The following MCF2L variants were observed in gnomAD, a reference collection of about 807,000 sequenced individuals.
MCF2L encodes guanine nucleotide exchange factor DBS.
In MCF2L, 97 loss-of-function variants were observed where a neutral mutation model predicts 153.4. The observed-to-expected ratio is 0.63, with a 90% confidence interval of 0.54 to 0.75. The LOEUF (loss-of-function observed/expected upper bound fraction) is 0.75. Among genes scored for constraint, MCF2L ranks in the 30% least tolerant of loss-of-function variants. The probability of loss-of-function intolerance (pLI) is 0.00; values close to 1 mark genes in which losing one functional copy is unlikely to be tolerated. For synonymous variants in MCF2L, 659 were observed against 632.2 expected, an observed-to-expected ratio of 1.04 and a Z score of -0.64; for missense variants, 1,347 against 1,495.2, an observed-to-expected ratio of 0.90 and a Z score of 1.64.
chr13:113,064,156 T>G lies in MCF2L; in HGVS notation c.490-148T>G, dbSNP rs1189952655. The G allele has an allele frequency of 3.3e-5, 23 of 703,292 alleles. No individual in the cohort carries two copies. Among genetic ancestry groups the G allele is most frequent in the Non-Finnish European group, 6.0e-5 (23 of 385,668 alleles). The allele number at this position is 703,292 out of a possible 1,614,324, so 43.6% of individuals were successfully genotyped here. On this transcript the variant is annotated intron_variant, in intron 5 of 29. Coordinates refer to ENST00000535094, the MANE Select transcript of MCF2L (RefSeq NM_001112732.3). This position sits in a 1 kb window ranked among gnomAD's most constrained non-coding sequence, Gnocchi z 6.0. ...ATCCCATCCGCACATCCATCCGCAGTGTCCAGGTGCCCCCACCCACACAGC... is the reference window on the plus strand; with the variant it reads ...ATCCCATCCGCACATCCATCCGCAGGGTCCAGGTGCCCCCACCCACACAGC...
At chr13:112,979,777 G>T (rs6577024) in intron 1 of MCF2L, 23 of 1,602,914 alleles carry the variant, frequency 1.4e-5, no homozygotes, top group Non-Finnish European at 2.0e-5. Flanking sequence ...CAATGGGGTC[G>T]CAGGGCATGG....
At chr13:112,959,333 C>G (rs2081796543) in intron 2 of MCF2L, among the ~76,000 whole-genome samples, 1 of 152,126 alleles carries the variant, frequency 6.6e-6, no homozygotes, top group Non-Finnish European at 1.5e-5. Flanking sequence ...ATCCTGCCAT[C>G]TGGGGCTCTC....
At chr13:113,016,813 C>T (rs147996814) in intron 2 of MCF2L, among the ~76,000 whole-genome samples, 1,524 of 152,334 alleles carry the variant, frequency 0.01, 11 homozygotes, top group Middle Eastern at 0.041. Flanking sequence ...ATGCCCTCTC[C>T]CTCCTCGCCT....
intron 1 of MCF2L, among the ~76,000 whole-genome samples, chr13:113,010,592 G>A (rs551140152): frequency 6.6e-6 from 1 of 152,200 alleles, no homozygotes. Context: ...CTGGGGATGG[G>A]CAGGGGCAGG....
rs957917214 is a variant in MCF2L, at chr13:112,922,108, G to A, written c.169+19737G>A. Among the ~76,000 whole-genome samples, 11 of 152,222 alleles carry A rather than the reference G, an allele frequency of 7.2e-5. 1 individual carries two copies. Among genetic ancestry groups the A allele is most frequent in the South Asian group, 2.1e-4 (1 of 4,828 alleles). ...GCCCAGAGCTGGAAACGTGTGGGCC[G>A]GGAGCAGCCCCTGCCAGAGGGCACT... On this transcript the variant is annotated intron_variant, in intron 2 of 29. Transcript: ENST00000375608.
chr13:112,910,327 T>A (rs2081217996), intron 2 of MCF2L: 1 of 152,218 alleles, frequency 6.6e-6, no homozygotes, highest in African/African-American at 2.4e-5. Flanking sequence ...TTCTAAGAAT[T>A]TAAAAGAAGA....
chr13:112,958,774 T>C (rs1056612003), intron 2 of MCF2L, among the ~76,000 whole-genome samples: 7 of 152,228 alleles, frequency 4.6e-5, no homozygotes, highest in Non-Finnish European at 8.8e-5. Context: ...GTGTGTGGGA[T>C]ACGTGTGCCA....
chr13:112,944,599 TCTCG>T (rs1223961039), intron 2 of MCF2L, among the ~76,000 whole-genome samples: 1 of 135,682 alleles, frequency 7.4e-6, no homozygotes, highest in Non-Finnish European at 1.5e-5. Context: ...TGAGACGGAG[TCTCG>T]CTCTGTCGCC....
Position 113,027,623 on chromosome 13 carries a change from GGGCCGAGC to G in MCF2L, c.278+2874_278+2881del, listed in dbSNP as rs1037979307. Among the ~76,000 whole-genome samples the G allele has an allele frequency of 1.2e-4, 18 of 152,184 alleles. No individual in the cohort carries two copies. The highest frequency in any genetic ancestry group is 6.5e-5 in the Admixed American group (1 of 15,284). On this transcript the variant is annotated intron_variant, in intron 3 of 29. Coordinates refer to ENST00000535094, the MANE Select transcript of MCF2L (RefSeq NM_001112732.3). This position sits in a 1 kb window ranked among gnomAD's most constrained non-coding sequence, Gnocchi z 4.8. ...GTGCACGGAGGAGGGGCTGGGTCTC[GGGCCGAGC>G]GGCCGAGCTCCCTGAGGGGCTGATG...
At chr13:113,056,757 G>A (rs1382198761) in intron 4 of MCF2L, among the ~76,000 whole-genome samples, 1 of 148,368 alleles carries the variant, frequency 6.7e-6, no homozygotes, top group African/African-American at 2.5e-5. Context: ...CTGAGTGGGT[G>A]CTGTGTGTTT....
chr13:112,955,501 A>G (rs1420678718), intron 2 of MCF2L, among the ~76,000 whole-genome samples: 4 of 152,200 alleles, frequency 2.6e-5, no homozygotes, highest in African/African-American at 4.8e-5. Context: ...AATCAATTAT[A>G]TGCATTTAAT....
In MCF2L at chr13:112,925,997, G is replaced by GA. The variant is rs1015654694; in HGVS notation, c.169+23635dup. On this transcript the variant is annotated intron_variant, in intron 2 of 29. Coordinates refer to the MCF2L transcript ENST00000375608. ...GAATAGCATAATTTTTATCCCTATA[G>GA]AAAAAAAAATCTAGAGATATCAACC... Among the ~76,000 whole-genome samples the GA allele has an allele frequency of 8.9e-4, 134 of 151,260 alleles. 2 individuals carry two copies. Among genetic ancestry groups the GA allele is most frequent in the African/African-American group, 2.7e-3 (110 of 41,278 alleles).
intron 2 of MCF2L, among the ~76,000 whole-genome samples, chr13:112,926,511 G>A (rs1221007430): frequency 6.6e-6 from 1 of 152,014 alleles, no homozygotes; most frequent in Non-Finnish European, 1.5e-5. Context: ...TACATGCACA[G>A]CGGAGTACTG....
Position 113,075,197 on chromosome 13 carries a change from G to A in MCF2L, c.1308+8G>A, listed in dbSNP as rs145956805. On this transcript the variant is annotated splice_region_variant and intron_variant, in intron 11 of 29. Coordinates refer to ENST00000535094, the MANE Select transcript of MCF2L (RefSeq NM_001112732.3). ...CACCGCCGCCTGGAGACGGTAGGCC[G>A]AGCCGGACCCCACCCCACTCCCCCC... The A allele has an allele frequency of 6.6e-3, 10,392 of 1,580,604 alleles. 41 individuals carry two copies. Among genetic ancestry groups the A allele is most frequent in the African/African-American group, 0.015 (1,139 of 74,410 alleles).
intron 1 of MCF2L, among the ~76,000 whole-genome samples, chr13:112,988,342 A>C (rs1329606296): frequency 6.6e-6 from 1 of 152,124 alleles, no homozygotes; most frequent in East Asian, 1.9e-4. Flanking sequence ...AGTGGAAAGG[A>C]AAGTCGTGGA....
At position 112,951,507 on chromosome 13, in the gene MCF2L, ATACCTG is replaced by A. The variant is rs2081693656; in HGVS notation, c.169+49138_169+49143del. Among the ~76,000 whole-genome samples the A allele has an allele frequency of 6.6e-6, 1 of 152,258 alleles. No individual in the cohort carries two copies. Among genetic ancestry groups the A allele is most frequent in the South Asian group, 2.1e-4 (1 of 4,836 alleles). The stretch of plus-strand genomic sequence containing the variant: ...TGTACGTCCGCACCATGAACTATTG[ATACCTG>A]TGACAACCTGGATGAACTCTCCAGA... On this transcript the variant is annotated intron_variant, in intron 2 of 29. Transcript: ENST00000375608. This position sits in a 1 kb window ranked among gnomAD's most constrained non-coding sequence, Gnocchi z 4.8.
intron 15 of MCF2L, among the ~76,000 whole-genome samples, chr13:113,080,695 G>A (rs966458687): frequency 6.6e-6 from 1 of 152,222 alleles, no homozygotes; most frequent in Admixed American, 6.5e-5. Flanking sequence ...CTGTGTGTGA[G>A]GGCGTGGGCA....
intron 2 of MCF2L, among the ~76,000 whole-genome samples, chr13:112,933,105 C>T (rs2081480158): frequency 1.3e-5 from 2 of 152,194 alleles, no homozygotes; most frequent in African/African-American, 4.8e-5. Flanking sequence ...TAACCACAAG[C>T]TGAGGAGCAG....
upstream of MCF2L, chr13:112,968,332 G>C: frequency 8.1e-7 from 1 of 1,237,170 alleles, no homozygotes; most frequent in Non-Finnish European, 1.1e-6. Context: ...TTTTGGGCGA[G>C]GAGAGCTCAG....
Sources: gnomAD v4.1 joint callset for allele counts (sites outside exome capture counted in the v4.1 genomes callset) on GRCh38, gnomAD v4.1.1 for gene constraint, Gnocchi (gnomAD v3.1) non-coding constraint, MANE v1.5 for transcripts, NCBI Gene and HGNC (gene_info 2026-07-23, HGNC 2026-07-21) for gene names.